Variants in ZNF761 observed in about 807,000 individuals in gnomAD.
ZNF761 encodes zinc finger protein 761.
Under a neutral mutation model 59.9 loss-of-function variants are expected in ZNF761, and 43 were observed. The observed-to-expected ratio is 0.72, with a 90% CI of 0.56 to 0.92. The LOEUF (loss-of-function observed/expected upper bound fraction) is 0.92, where lower values mean the gene tolerates loss of function less well. Ranked by LOEUF, ZNF761 falls within the 40% of genes least tolerant of loss-of-function variation. ZNF761 has a pLI of 0.00. For missense variants in ZNF761, 850 were observed against 906.1 expected, an observed-to-expected ratio of 0.94 and a Z score of 0.79; for synonymous variants, 294 against 304.8, an observed-to-expected ratio of 0.96 and a Z score of 0.37.
At chr19:53,432,510 A>G (rs908164578) in intron 1 of ZNF761, among the ~76,000 whole-genome samples, 14 of 151,914 alleles carry the variant, frequency 9.2e-5, no homozygotes, top group Admixed American at 3.3e-4. Flanking sequence ...TTTCGCCTCC[A>G]CAATCACCGC....
In ZNF761 at chr19:53,443,103, A is replaced by T. The variant is rs1185991031; in HGVS notation, c.-184-3124A>T. On this transcript the variant is annotated intron_variant, in intron 1 of 4. Coordinates refer to ENST00000684525, the MANE Select transcript of ZNF761 (RefSeq NM_001289951.2). Reference sequence around the variant, plus strand: ...CTTTCTAGTCTTTATTATTTATTGGAAAACTTCGGTACCTAATACAAAAGT... The same window carrying T: ...CTTTCTAGTCTTTATTATTTATTGGTAAACTTCGGTACCTAATACAAAAGT... The T allele has an allele frequency of 1.6e-5, 3 of 184,998 alleles. No homozygotes were observed. The South Asian group carries it at 2.9e-4, about 18-fold the overall frequency. The allele number at this position is 184,998 out of a possible 1,614,324, so 11.5% of individuals were successfully genotyped here.
At chr19:53,442,879 G>GA (rs35108555) in intron 1 of ZNF761, 251 of 376,458 alleles carry the variant, frequency 6.7e-4, no homozygotes, top group East Asian at 3.6e-3. Context: ...ATCATGTTGT[G>GA]AAAAAAAAAA....
intron 4 of ZNF761, chr19:53,450,375 G>T (rs559569217): frequency 1.3e-5 from 2 of 152,414 alleles, no homozygotes; most frequent in African/African-American, 4.8e-5. Context: ...TGAGTTTCTT[G>T]TAGACAACAT....
chr19:53,446,795 T>A (rs1328890468), intron 2 of ZNF761, among the ~76,000 whole-genome samples: 4 of 152,164 alleles, frequency 2.6e-5, no homozygotes, highest in Non-Finnish European at 5.9e-5. Context: ...CATGCCTGGC[T>A]AAGTTTTTGT....
chr19:53,447,210 G>C lies in ZNF761; in HGVS notation c.-59G>C. Reference sequence around the variant, plus strand: ...CTAACATTCAGGATTGACTTCTAAAGACTCTTGGTACGTGAGGAAGAAACC... The same window carrying C: ...CTAACATTCAGGATTGACTTCTAAACACTCTTGGTACGTGAGGAAGAAACC... On this transcript the variant is annotated 5_prime_UTR_variant, in exon 3 of 5. Transcript: ENST00000684525. 1 of 1,598,232 alleles carries C rather than the reference G, an allele frequency of 6.3e-7. No homozygotes were observed. Among genetic ancestry groups the C allele is most frequent in the Non-Finnish European group, 8.5e-7 (1 of 1,171,354 alleles).
Position 53,455,491 on chromosome 19 carries a change from T to C in ZNF761, c.984T>C (p.Cys328=). Residue 328 remains cysteine, a synonymous_variant, in exon 5 of 5, where the codon TGT becomes TGC. Coordinates refer to ENST00000684525, the MANE Select transcript of ZNF761 (RefSeq NM_001289951.2). The stretch of plus-strand genomic sequence containing the variant: ...ATACTGAAGAGAAACCATATAAGTG[T>C]AATGAGTGTGGCAAGACCTTTAGGC... ...IIHTEEKPYK[C]NECGKTFRQK... 6.2e-7 allele frequency: 1 copy of C among 1,614,090 alleles called. No individual in the cohort carries two copies. The highest frequency in any genetic ancestry group is 8.5e-7 in the Non-Finnish European group (1 of 1,180,032).
intron 1 of ZNF761, among the ~76,000 whole-genome samples, chr19:53,441,053 G>A (rs2086094249): frequency 1.3e-5 from 2 of 152,174 alleles, no homozygotes; most frequent in Non-Finnish European, 2.9e-5. Flanking sequence ...AGACAGAGGC[G>A]AGTGGGTCAC....
intron 1 of ZNF761, chr19:53,442,178 A>G (rs1189877249): frequency 2.7e-6 from 3 of 1,112,612 alleles, no homozygotes; most frequent in African/African-American, 3.0e-5. Context: ...AGAAGATGGA[A>G]CTCCAGGAAA....
chr19:53,447,936 C>T (rs558160425), intron 3 of ZNF761, among the ~76,000 whole-genome samples: 77 of 152,174 alleles, frequency 5.1e-4, no homozygotes, highest in South Asian at 6.2e-4. Flanking sequence ...GTGGTGTTAC[C>T]GTGGAGAGGC....
At chr19:53,433,872 CT>C (rs2086005937) in intron 1 of ZNF761, among the ~76,000 whole-genome samples, 1 of 152,118 alleles carries the variant, frequency 6.6e-6, no homozygotes, top group Non-Finnish European at 1.5e-5. Flanking sequence ...TCTATTTTGT[CT>C]AAGTCCGGAC....
chr19:53,450,127 AC>A, intron 4 of ZNF761: 1 of 259,434 alleles, frequency 3.9e-6, no homozygotes, highest in Non-Finnish European at 7.3e-6. Flanking sequence ...ACATGGTGAA[AC>A]CCCGTCTCTA....
intron 3 of ZNF761, among the ~76,000 whole-genome samples, chr19:53,448,424 T>G (rs929175687): frequency 1.3e-5 from 2 of 152,298 alleles, no homozygotes; most frequent in Non-Finnish European, 2.9e-5. Flanking sequence ...GCATCTCCTT[T>G]CCCTGTCACG....
chr19:53,447,462 G>A (rs2617738), intron 3 of ZNF761, among the ~76,000 whole-genome samples, 179 bp downstream of exon 3: 2 of 152,114 alleles, frequency 1.3e-5, no homozygotes, highest in Non-Finnish European at 2.9e-5. Context: ...GATCCAGTGA[G>A]ATGAACTTGG....
chr19:53,451,952 T>C (rs1330811406), intron 4 of ZNF761, among the ~76,000 whole-genome samples: 1 of 152,132 alleles, frequency 6.6e-6, no homozygotes, highest in Non-Finnish European at 1.5e-5. Flanking sequence ...AGATTTATAG[T>C]ACAGGCTCTA....
At position 53,435,289 on chromosome 19, in the gene ZNF761, C is replaced by CTTTTTTTTTTTTT. The variant is rs368157010; in HGVS notation, c.-185+3281_-185+3293dup. ...GGTCGTCTGGCTATAAATACAAGTCCTTTTTTTTTTTTTTTTTTTTTTTTT... is the reference window on the plus strand; with the variant it reads ...GGTCGTCTGGCTATAAATACAAGTCCTTTTTTTTTTTTTTTTTTTTTTTTTTTTTTTTTTTTTT... On this transcript the variant is annotated intron_variant, in intron 1 of 4. Coordinates refer to ENST00000684525, the MANE Select transcript of ZNF761 (RefSeq NM_001289951.2). 4.8e-4 allele frequency among the ~76,000 whole-genome samples: 26 copies of CTTTTTTTTTTTTT among 53,614 alleles called. 3 individuals carry two copies. The highest frequency in any genetic ancestry group is 2.0e-3 in the African/African-American group (25 of 12,360). The allele number at this position is 53,614 out of a possible 152,430, so 35.2% of individuals were successfully genotyped here.
intron 3 of ZNF761, 40 bp downstream of exon 3, chr19:53,447,323 T>C (rs1324615980): frequency 6.2e-7 from 1 of 1,609,888 alleles, no homozygotes; most frequent in East Asian, 2.2e-5. Flanking sequence ...GTCTCCTTCC[T>C]TTCAGAAATG....
At chr19:53,450,311 T>TAAA (rs138785799) in intron 4 of ZNF761, 3 of 137,678 alleles carry the variant, frequency 2.2e-5, no homozygotes, top group African/African-American at 8.3e-5. Flanking sequence ...AAAAAATAAA[T>TAAA]AAAATAAAAT....
At chr19:53,445,309 A>G (rs1295128519) in intron 1 of ZNF761, 1 of 152,226 alleles carries the variant, frequency 6.6e-6, no homozygotes, top group Admixed American at 6.5e-5. Context: ...AATCAGTGGC[A>G]TCAGAACCTT....
chr19:53,433,531 T>C (rs1164535542), intron 1 of ZNF761, among the ~76,000 whole-genome samples: 4 of 151,828 alleles, frequency 2.6e-5, no homozygotes, highest in Non-Finnish European at 5.9e-5. Flanking sequence ...GCCTGTTACT[T>C]TTCTTGGAGT....
Sources: allele counts gnomAD v4.1 joint callset (sites outside exome capture counted in the v4.1 genomes callset), GRCh38; gene constraint gnomAD v4.1.1; transcripts MANE v1.5; gene names NCBI Gene and HGNC (gene_info 2026-07-23, HGNC 2026-07-21).